COL19A1: variants seen among roughly 807,000 people sequenced by gnomAD.
COL19A1 encodes collagen type XIX alpha 1 chain.
In COL19A1, 159 loss-of-function variants were observed where a neutral mutation model predicts 190.2. The ratio of observed to expected loss-of-function variants is 0.84; its 90% CI spans 0.73 to 0.95. The LOEUF (loss-of-function observed/expected upper bound fraction) is 0.95. COL19A1 is among the 40% of genes least tolerant of loss of function. COL19A1 has a pLI of 0.00. For synonymous variants in COL19A1, 509 were observed against 458.9 expected (o/e 1.11, Z -1.39); for missense variants, 1,418 against 1,431.9 (o/e 0.99, Z 0.16).
At chr6:70,004,936 C>T (rs1375185920) in intron 11 of COL19A1, among the ~76,000 whole-genome samples, 1 of 151,762 alleles carries the variant, frequency 6.6e-6, no homozygotes, top group Non-Finnish European at 1.5e-5. Context: ...GGGTTCATGC[C>T]ATTCTCCTGC....
At chr6:70,068,912 A>C (rs1263547717) in intron 15 of COL19A1, among the ~76,000 whole-genome samples, 1 of 152,056 alleles carries the variant, frequency 6.6e-6, no homozygotes, top group Non-Finnish European at 1.5e-5. Context: ...CCTTTAACTG[A>C]GACAAAATAG....
intron 6 of COL19A1, among the ~76,000 whole-genome samples, chr6:69,929,953 T>TA (rs1222035038): frequency 6.6e-6 from 1 of 152,156 alleles, no homozygotes; most frequent in Admixed American, 6.6e-5. Context: ...GGTCATGCCT[T>TA]AAAAAATTAG....
chr6:70,037,571 A>G (rs1233800153), intron 14 of COL19A1, among the ~76,000 whole-genome samples: 1 of 152,216 alleles, frequency 6.6e-6, no homozygotes, highest in Non-Finnish European at 1.5e-5. Flanking sequence ...GCAGTCATTT[A>G]GTTAAACCTG....
chr6:69,888,833 G>T (rs951579375), intron 2 of COL19A1, among the ~76,000 whole-genome samples: 3 of 147,976 alleles, frequency 2.0e-5, no homozygotes, highest in Admixed American at 6.7e-5. Context: ...TCACACTTCT[G>T]TATTATTTTT....
chr6:69,947,788 T>C (rs111853837), intron 9 of COL19A1, among the ~76,000 whole-genome samples: 1 of 151,910 alleles, frequency 6.6e-6, no homozygotes, highest in East Asian at 1.9e-4. Context: ...GATGGCTTCA[T>C]TGATGCTACT....
chr6:70,041,934 G>A (rs1359636224), intron 14 of COL19A1, among the ~76,000 whole-genome samples: 1 of 152,028 alleles, frequency 6.6e-6, no homozygotes, highest in East Asian at 1.9e-4. Flanking sequence ...CGGATTTGGT[G>A]ATGGATGCCT....
chr6:70,189,656 A>T (rs1340255830), intron 47 of COL19A1, among the ~76,000 whole-genome samples: 1 of 152,234 alleles, frequency 6.6e-6, no homozygotes, highest in East Asian at 1.9e-4. Flanking sequence ...TGTCAAATGC[A>T]TGTGGATTTA....
At chr6:70,200,334 G>A (rs117280319) in intron 49 of COL19A1, among the ~76,000 whole-genome samples, 15 of 152,258 alleles carry the variant, frequency 9.9e-5, no homozygotes, top group South Asian at 6.2e-4. Context: ...ACAACTTGAC[G>A]AGAGACATAA....
At chr6:69,972,790 T>C (rs1022496740) in intron 11 of COL19A1, among the ~76,000 whole-genome samples, 5 of 152,234 alleles carry the variant, frequency 3.3e-5, no homozygotes, top group African/African-American at 9.6e-5. Flanking sequence ...CATTGCCTTT[T>C]GGCAGGCACT....
intron 14 of COL19A1, among the ~76,000 whole-genome samples, chr6:70,064,032 G>A (rs911332317): frequency 2.6e-5 from 4 of 152,010 alleles, no homozygotes; most frequent in African/African-American, 4.8e-5. Flanking sequence ...ATTCACAGCC[G>A]AATTCTACCA....
chr6:70,144,601 A>G (rs879564308), intron 24 of COL19A1, among the ~76,000 whole-genome samples: 1 of 152,198 alleles, frequency 6.6e-6, no homozygotes, highest in Non-Finnish European at 1.5e-5. Context: ...TTGAACCATT[A>G]TTGGAGAATA....
At chr6:70,066,102 T>C (rs1405953833) in intron 14 of COL19A1, among the ~76,000 whole-genome samples, 1 of 152,216 alleles carries the variant, frequency 6.6e-6, no homozygotes, top group Non-Finnish European at 1.5e-5. Flanking sequence ...TTACTGGGTA[T>C]ATACCCAAAG....
intron 11 of COL19A1, among the ~76,000 whole-genome samples, chr6:69,982,115 T>C (rs948362187): frequency 2.4e-4 from 36 of 152,080 alleles, no homozygotes; most frequent in African/African-American, 7.0e-4. Context: ...AATGAAGATA[T>C]AGAAAGAAAA....
chr6:70,154,670 C>A (rs749172650), intron 31 of COL19A1, among the ~76,000 whole-genome samples: 1 of 152,152 alleles, frequency 6.6e-6, no homozygotes, highest in Non-Finnish European at 1.5e-5. Context: ...AAGCCAGTAG[C>A]AGATCAGTCC....
Position 70,208,356 on chromosome 6 carries a change from G to C in COL19A1, c.*1082G>C, listed in dbSNP as rs1447869355. 1 of 152,288 alleles carries C rather than the reference G, an allele frequency of 6.6e-6. No individual in the cohort carries two copies. Among genetic ancestry groups the C allele is most frequent in the African/African-American group, 2.4e-5 (1 of 41,460 alleles). 9.4% of individuals were successfully genotyped at this position (152,288 alleles called of 1,614,324 possible). ...GGTGAAGCCCAAAAGCTCTTAAGGA[G>C]AATTGTATTTCTCCAGAAGCTGCAG... On this transcript the variant is annotated 3_prime_UTR_variant, in exon 51 of 51. Coordinates refer to ENST00000620364, the MANE Select transcript of COL19A1 (RefSeq NM_001858.6).
intron 48 of COL19A1, among the ~76,000 whole-genome samples, chr6:70,198,218 G>A (rs1055241902): frequency 3.3e-5 from 5 of 152,110 alleles, no homozygotes; most frequent in South Asian, 2.1e-4. Context: ...TTTCTACTGC[G>A]TTGTTGTCTG....
At chr6:69,927,831 C>T (rs1772494852) in intron 4 of COL19A1, 78 bp from the exon 5 acceptor site, 8 of 1,511,044 alleles carry the variant, frequency 5.3e-6, no homozygotes, top group South Asian at 1.3e-5. Context: ...TATTGTGTTA[C>T]ACAGAACTTT....
chr6:70,055,892 G>A (rs929717163), intron 14 of COL19A1, among the ~76,000 whole-genome samples: 1 of 150,990 alleles, frequency 6.6e-6, no homozygotes, highest in African/African-American at 2.4e-5. Flanking sequence ...GTTTGTTTCG[G>A]TTTGTTTTTT....
rs545088546 is a variant in COL19A1 at position 70,141,756 on chromosome 6, C to T, written c.1483-137C>T. 1.4e-3 allele frequency: 847 copies of T among 620,982 alleles called. 2 individuals carry two copies. The highest frequency in any genetic ancestry group is 2.2e-3 in the Non-Finnish European group (760 of 348,580). The allele number at this position is 620,982 out of a possible 1,614,324, so 38.5% of individuals were successfully genotyped here. A position where few individuals can be genotyped will look rare whatever the true frequency, so the allele number is the denominator to read the frequency against. On this transcript the variant is annotated intron_variant, in intron 20 of 50. Transcript: ENST00000620364. ...TTTGAATCATGTTTTAGAATGAACT[C>T]TCCTTGATTTTATTGTGTCTTCCAT...
Sources: allele counts gnomAD v4.1 joint callset (sites outside exome capture counted in the v4.1 genomes callset), GRCh38; gene constraint gnomAD v4.1.1; transcripts MANE v1.5; gene names NCBI Gene and HGNC (gene_info 2026-07-23, HGNC 2026-07-21).